Variants in ABHD3 observed in about 807,000 individuals in gnomAD.
The protein encoded by ABHD3 is phospholipase ABHD3.
A neutral mutation model predicts 48.8 loss-of-function variants in ABHD3; 46 were observed. The ratio of observed to expected loss-of-function variants is 0.94; its 90% CI spans 0.74 to 1.20. The LOEUF is 1.20. Ranked by LOEUF, ABHD3 falls within the 50% of genes most tolerant of loss-of-function variation. The pLI is 0.00. For missense variants in ABHD3, 490 were observed against 497.8 expected, an observed-to-expected ratio of 0.98 and a Z score of 0.15; for synonymous variants, 192 against 183.7, an observed-to-expected ratio of 1.04 and a Z score of -0.36.
At chr18:21,686,304 G>A (rs2146321742) in intron 3 of ABHD3, among the ~76,000 whole-genome samples, 1 of 152,324 alleles carries the variant, frequency 6.6e-6, no homozygotes, top group African/African-American at 2.4e-5. Flanking sequence ...AGTCACACAG[G>A]AACCGGTGCT....
intron 3 of ABHD3, among the ~76,000 whole-genome samples, chr18:21,694,512 A>G (rs980649922): frequency 6.6e-6 from 1 of 152,242 alleles, no homozygotes; most frequent in African/African-American, 2.4e-5. Flanking sequence ...GGGCTCTGCA[A>G]TGAAGAATAA....
intron 4 of ABHD3, among the ~76,000 whole-genome samples, chr18:21,667,827 A>T (rs1020055543): frequency 6.6e-6 from 1 of 151,848 alleles, no homozygotes; most frequent in Non-Finnish European, 1.5e-5. Flanking sequence ...TCCGACACTT[A>T]AAAAAAATAC....
intron 4 of ABHD3, among the ~76,000 whole-genome samples, chr18:21,670,889 C>T (rs2039742393): frequency 1.3e-5 from 2 of 152,168 alleles, no homozygotes; most frequent in Non-Finnish European, 2.9e-5. Flanking sequence ...TGGCACATGC[C>T]TGTCATCCCA....
chr18:21,690,198 A>G (rs1156943531), intron 3 of ABHD3, among the ~76,000 whole-genome samples: 1 of 152,158 alleles, frequency 6.6e-6, no homozygotes, highest in Non-Finnish European at 1.5e-5. Flanking sequence ...AAAATCTGAA[A>G]TAAAAAATTC....
chr18:21,703,557 AAT>A, intron 2 of ABHD3, 25 bp downstream of exon 2: 3 of 1,591,544 alleles, frequency 1.9e-6, no homozygotes, highest in Non-Finnish European at 2.6e-6. Flanking sequence ...ATTTTGCAGA[AAT>A]GACTGAAAAC....
At chr18:21,689,496 C>G (rs1167382821) in intron 3 of ABHD3, among the ~76,000 whole-genome samples, 2 of 129,224 alleles carry the variant, frequency 1.5e-5, no homozygotes, top group Non-Finnish European at 3.0e-5. Flanking sequence ...TTGCAGTGAG[C>G]CAAGATCACA....
At chr18:21,685,172 A>T (rs1840903954) in intron 3 of ABHD3, among the ~76,000 whole-genome samples, 1 of 152,180 alleles carries the variant, frequency 6.6e-6, no homozygotes, top group Non-Finnish European at 1.5e-5. Flanking sequence ...AACAATTAAA[A>T]TTCATTTAGT....
chr18:21,685,590 G>A (rs1568156114), intron 3 of ABHD3, among the ~76,000 whole-genome samples: 5 of 152,268 alleles, frequency 3.3e-5, no homozygotes, highest in South Asian at 2.1e-4. Context: ...GTGCGGTGGC[G>A]CGGTCACAGT....
At chr18:21,698,385 C>T (rs1417099101) in intron 3 of ABHD3, among the ~76,000 whole-genome samples, 1 of 151,798 alleles carries the variant, frequency 6.6e-6, no homozygotes, top group Non-Finnish European at 1.5e-5. Flanking sequence ...CGGGGTTTCA[C>T]CATGTTGGCC....
chr18:21,699,362 T>C (rs910749830), intron 3 of ABHD3, among the ~76,000 whole-genome samples: 8 of 152,230 alleles, frequency 5.3e-5, no homozygotes, highest in African/African-American at 1.9e-4. Context: ...TTCCGTCATA[T>C]TACACAGCTT....
chr18:21,704,402 C>G, intron 1 of ABHD3, 102 bp downstream of exon 1: 2 of 1,176,640 alleles, frequency 1.7e-6, no homozygotes, highest in South Asian at 3.9e-5. Context: ...CGCCGCCTAT[C>G]CCCGGGGCTG....
chr18:21,675,352 T>G lies in ABHD3; in HGVS notation c.555+8568A>C, dbSNP rs531833216. ...GGCATGATCTCGGCTCACTGCAACC[T>G]CTGCCTCCTGGGTTCAAGCGATTCT... On this transcript the variant is annotated intron_variant, in intron 4 of 8. Coordinates refer to ENST00000289119, the MANE Select transcript of ABHD3 (RefSeq NM_138340.5). 3.6e-5 allele frequency among the ~76,000 whole-genome samples: 5 copies of G among 140,010 alleles called. No homozygotes were observed. The East Asian group carries it at 1.1e-3, about 32-fold the overall frequency. The allele number at this position is 140,010 out of a possible 152,430, so 91.9% of individuals were successfully genotyped here. A position where few individuals can be genotyped will look rare whatever the true frequency, so the allele number is the denominator to read the frequency against.
chr18:21,663,590 G>A (rs2039550579), intron 5 of ABHD3: 1 of 1,305,140 alleles, frequency 7.7e-7, no homozygotes, highest in East Asian at 2.5e-5. Flanking sequence ...AGCTGGAGTA[G>A]GGGGTTAACA....
chr18:21,689,392 T>C (rs1176676978), intron 3 of ABHD3, among the ~76,000 whole-genome samples: 1 of 151,406 alleles, frequency 6.6e-6, no homozygotes, highest in Non-Finnish European at 1.5e-5. Flanking sequence ...CTACTAAAAA[T>C]ACAAAAATTA....
chr18:21,694,687 CT>C (rs755498825), intron 3 of ABHD3, among the ~76,000 whole-genome samples: 5 of 152,178 alleles, frequency 3.3e-5, no homozygotes, highest in Non-Finnish European at 7.3e-5. Flanking sequence ...TGTTTCTCTC[CT>C]TTCTCTGTCA....
chr18:21,700,827 C>CAAAAAAAAAAAAAAAAA (rs375239917), intron 3 of ABHD3, among the ~76,000 whole-genome samples: 17 of 94,372 alleles, frequency 1.8e-4, no homozygotes, highest in African/African-American at 5.6e-4. Flanking sequence ...AAGTTTTAGC[C>CAAAAAAAAAAAAAAAAA]AAAAAAAAAA....
At chr18:21,690,695 T>TA (rs34349654) in intron 3 of ABHD3, among the ~76,000 whole-genome samples, 6 of 151,040 alleles carry the variant, frequency 4.0e-5, no homozygotes, top group Admixed American at 3.3e-4. Context: ...AGACAGGATT[T>TA]AAAAAAAAGC....
At position 21,666,909 on chromosome 18, in the gene ABHD3, C is replaced by A. The variant is rs1328259570; in HGVS notation, c.556-2679G>T. On this transcript the variant is annotated intron_variant, in intron 4 of 8. Transcript: ENST00000289119. ...ATTAAGTATATGTGCGAAAAAATAACCAGAAATTTAATAACAAGGAGAGGA... is the reference window on the plus strand; with the variant it reads ...ATTAAGTATATGTGCGAAAAAATAAACAGAAATTTAATAACAAGGAGAGGA... 2.6e-5 allele frequency among the ~76,000 whole-genome samples: 4 copies of A among 151,884 alleles called. No homozygotes were observed. The East Asian group carries it at 7.7e-4, about 29-fold the overall frequency.
At chr18:21,661,400 G>A (rs1257122243) in intron 5 of ABHD3, among the ~76,000 whole-genome samples, 1 of 152,068 alleles carries the variant, frequency 6.6e-6, no homozygotes, top group Non-Finnish European at 1.5e-5. Context: ...CACTTTGGGA[G>A]GCTGAGGCAG....
Sources: gnomAD v4.1 joint callset for allele counts (sites outside exome capture counted in the v4.1 genomes callset) on GRCh38, gnomAD v4.1.1 for gene constraint, MANE v1.5 for transcripts, NCBI Gene and HGNC (gene_info 2026-07-23, HGNC 2026-07-21) for gene names.